XIAP: variants seen among roughly 807,000 people sequenced by gnomAD.
XIAP encodes E3 ubiquitin-protein ligase XIAP.
Under a neutral mutation model 33.1 loss-of-function variants are expected in XIAP, and 3 were observed. That is an observed-to-expected ratio of 0.09 (90% CI 0.04 to 0.23). The LOEUF is 0.23. Ranked by LOEUF, XIAP falls within the 10% of genes least tolerant of loss-of-function variation. The pLI is 1.00. For synonymous variants in XIAP, 98 were observed against 121.3 expected (o/e 0.81, Z 1.26); for missense variants, 264 against 363.0 (o/e 0.73, Z 2.22).
intron 1 of XIAP, among the ~76,000 whole-genome samples, chrX:123,880,138 C>T (rs754893384): frequency 1.7e-3 from 180 of 108,361 alleles, no homozygotes; most frequent in African/African-American, 5.8e-3. Context: ...TAAGGCTGGG[C>T]GCGGTGGCTC....
intron 5 of XIAP, among the ~76,000 whole-genome samples, chrX:123,894,645 G>A (rs1401076558): frequency 9.0e-6 from 1 of 110,906 alleles, no homozygotes; most frequent in East Asian, 2.8e-4. Context: ...CTGCACGCCT[G>A]TAATCCCAGC....
intron 3 of XIAP, among the ~76,000 whole-genome samples, chrX:123,891,000 T>C (rs759715546): frequency 1.8e-5 from 2 of 111,384 alleles, no homozygotes; most frequent in South Asian, 7.5e-4. Context: ...TTTAGAAAGT[T>C]CTCAAGTTGA....
chrX:123,888,925 C>CT (rs375910327), intron 3 of XIAP, among the ~76,000 whole-genome samples: 75 of 105,495 alleles, frequency 7.1e-4, no homozygotes, highest in East Asian at 4.4e-3. Flanking sequence ...CAGATTATCC[C>CT]TTTTTTTTTT....
rs1255279790 is a variant in XIAP, at chrX:123,912,843, A to G, written c.*5662A>G. 2 of 323,171 alleles carry G rather than the reference A, an allele frequency of 6.2e-6. No homozygotes were observed. The highest frequency in any genetic ancestry group is 1.2e-5 in the Non-Finnish European group (2 of 167,850). The allele number at this position is 323,171 out of a possible 1,213,427, so 26.6% of individuals were successfully genotyped here. On this transcript the variant is annotated 3_prime_UTR_variant, in exon 7 of 7. Transcript: ENST00000371199. ...AATTTTTTTTGTATTCTTAGTAGAG[A>G]CAGGGTTTCACCATGTTGGCCAGGC...
intron 1 of XIAP, among the ~76,000 whole-genome samples, chrX:123,861,085 T>C (rs1397414484): frequency 8.9e-6 from 1 of 111,811 alleles, no homozygotes; most frequent in African/African-American, 3.3e-5. Context: ...TTTATTATAG[T>C]CAATGAACAG....
At chrX:123,865,935 G>A (rs1224383787) in intron 1 of XIAP, among the ~76,000 whole-genome samples, 1 of 98,559 alleles carries the variant, frequency 1.0e-5, no homozygotes, top group Non-Finnish European at 2.0e-5. Context: ...TTTTTTTTTT[G>A]GTATCTCTTT....
At chrX:123,871,969 C>T (rs759423723) in intron 1 of XIAP, among the ~76,000 whole-genome samples, 36 of 110,396 alleles carry the variant, frequency 3.3e-4, no homozygotes, top group Admixed American at 5.9e-4. Flanking sequence ...GGTATGGTGG[C>T]ACGTGCCTGT....
chrX:123,885,004 C>T (rs1253903252), intron 1 of XIAP, among the ~76,000 whole-genome samples: 1 of 109,429 alleles, frequency 9.1e-6, no homozygotes, highest in Non-Finnish European at 1.9e-5. Context: ...TCCTGAGCCA[C>T]CCTCTAGAGG....
chrX:123,863,578 C>T (rs1332989232), intron 1 of XIAP, among the ~76,000 whole-genome samples: 1 of 111,195 alleles, frequency 9.0e-6, no homozygotes, highest in Non-Finnish European at 1.9e-5. Context: ...GGTGCGATCT[C>T]GGCTCACCTC....
chrX:123,863,771 A>G (rs2148068289), intron 1 of XIAP, among the ~76,000 whole-genome samples: 1 of 111,571 alleles, frequency 9.0e-6, no homozygotes, highest in East Asian at 2.8e-4. Context: ...CCTCAGGTGA[A>G]AAAGTGAGTC....
Position 123,904,075 on chromosome X carries a change from G to A in XIAP, c.1301-2913G>A, listed in dbSNP as rs146174580. Among the ~76,000 whole-genome samples the A allele has an allele frequency of 6.9e-3, 773 of 111,902 alleles. 7 individuals carry two copies. Among genetic ancestry groups the A allele is most frequent in the African/African-American group, 0.024 (733 of 30,853 alleles). On this transcript the variant is annotated intron_variant, in intron 6 of 6. Transcript: ENST00000371199. ...ATAAATTTGACTACTCTAGGTGTCA[G>A]TATTGTTGTTGCTTTGTTTGTTTGT...
chrX:123,881,750 A>G (rs1157516379), intron 1 of XIAP, among the ~76,000 whole-genome samples: 1 of 95,885 alleles, frequency 1.0e-5, no homozygotes, highest in Non-Finnish European at 2.1e-5. Flanking sequence ...TTGATTTTAT[A>G]CTTCTATTTT....
intron 1 of XIAP, 135 bp from the exon 2 acceptor site, chrX:123,885,496 T>A: frequency 2.1e-6 from 1 of 472,973 alleles, no homozygotes. Flanking sequence ...ACTCTAGTAT[T>A]TAGAATTAGA....
At chrX:123,898,541 A>G (rs1380680867) in intron 5 of XIAP, among the ~76,000 whole-genome samples, 1 of 106,521 alleles carries the variant, frequency 9.4e-6, no homozygotes, top group East Asian at 3.0e-4. Context: ...TTTTTTTTTT[A>G]TTTTTTGGTA....
intron 1 of XIAP, among the ~76,000 whole-genome samples, chrX:123,880,840 C>G (rs1177102423): frequency 1.8e-5 from 2 of 110,176 alleles, no homozygotes; most frequent in Non-Finnish European, 3.8e-5. Flanking sequence ...CCTCCACATT[C>G]CCACATTCTC....
rs1242876234 is a variant in XIAP at position 123,909,966 on chromosome X, C to G, written c.*2785C>G. The G allele has an allele frequency of 3.7e-5, 12 of 327,896 alleles. No homozygotes were observed. The highest frequency in any genetic ancestry group is 6.5e-5 in the Non-Finnish European group (11 of 169,770). 27.0% of individuals were successfully genotyped at this position (327,896 alleles called of 1,213,427 possible). ...CTATAGCCATATCCAAATCTTTTCCCCCTCCCAAGAGTTCTCAGTGTCTAC... is the reference window on the plus strand; with the variant it reads ...CTATAGCCATATCCAAATCTTTTCCGCCTCCCAAGAGTTCTCAGTGTCTAC... On this transcript the variant is annotated 3_prime_UTR_variant, in exon 7 of 7. Transcript: ENST00000371199.
chrX:123,875,689 ATT>A (rs34235775), intron 1 of XIAP, among the ~76,000 whole-genome samples: 23 of 99,616 alleles, frequency 2.3e-4, no homozygotes, highest in Admixed American at 2.2e-4. Context: ...TTTCTTATAG[ATT>A]TTTTTTTTTT....
rs773990585 is a variant in XIAP, at chrX:123,885,798, A to T, written c.136A>T (p.Thr46Ser). ...FPSGSPVSAS[T>S]LARAGFLYTG... The stretch of plus-strand genomic sequence containing the variant: ...AAGTGGTAGTCCTGTTTCAGCATCA[A>T]CACTGGCACGAGCAGGGTTTCTTTA... The change falls in exon 2 of 7, where the codon ACA (threonine) becomes TCA (serine). Residue 46 changes from threonine to serine, a missense_variant. By Grantham distance (58) the Thr-to-Ser change is moderately conservative (BLOSUM62 1). Coordinates refer to ENST00000371199, the MANE Select transcript of XIAP (RefSeq NM_001167.4). 1.7e-6 allele frequency: 2 copies of T among 1,211,999 alleles called. No homozygotes were observed. Among genetic ancestry groups the T allele is most frequent in the Admixed American group, 4.3e-5 (2 of 45,982 alleles).
rs142490672 is a variant in XIAP at position 123,889,357 on chromosome X, T to C, written c.977+639T>C. On this transcript the variant is annotated intron_variant, in intron 3 of 6. Coordinates refer to ENST00000371199, the MANE Select transcript of XIAP (RefSeq NM_001167.4). ...CGCCCGCCTCGGCCTCCCAAAGTGCTGGGATTCTGGCTAATTTTTGTATTT... is the reference window on the plus strand; with the variant it reads ...CGCCCGCCTCGGCCTCCCAAAGTGCCGGGATTCTGGCTAATTTTTGTATTT... Among the ~76,000 whole-genome samples, 203 of 108,786 alleles carry C rather than the reference T, an allele frequency of 1.9e-3. 1 individual carries two copies. Among genetic ancestry groups the C allele is most frequent in the African/African-American group, 6.5e-3 (195 of 29,895 alleles). 94.5% of individuals were successfully genotyped at this position (108,786 alleles called of 115,157 possible).
Sources: gnomAD v4.1 joint callset for allele counts (sites outside exome capture counted in the v4.1 genomes callset) on GRCh38, gnomAD v4.1.1 for gene constraint, MANE v1.5 for transcripts, NCBI Gene and HGNC (gene_info 2026-07-23, HGNC 2026-07-21) for gene names.